KIRREL3: variants seen among roughly 807,000 people sequenced by gnomAD.
The protein encoded by KIRREL3 is kin of IRRE-like protein 3.
Under a neutral mutation model 89.7 loss-of-function variants are expected in KIRREL3, and 36 were observed. The observed-to-expected ratio is 0.40, with a 90% CI of 0.31 to 0.53. The LOEUF is 0.53. Ranked by LOEUF, KIRREL3 falls within the 20% of genes least tolerant of loss-of-function variation. The pLI is 0.49. For synonymous variants in KIRREL3, 445 were observed against 441.4 expected (o/e 1.01, Z -0.10); for missense variants, 864 against 1,056.6 (o/e 0.82, Z 2.53).
intron 1 of KIRREL3, among the ~76,000 whole-genome samples, chr11:126,923,104 C>CCTTCTCCTT (rs1391793360): frequency 6.1e-4 from 40 of 65,738 alleles, no homozygotes; most frequent in African/African-American, 3.4e-3. Context: ...TTCTTCTTCT[C>CCTTCTCCTT]CTTCTCCTTC....
rs1945127775 is a variant in KIRREL3, at chr11:126,656,170, AGG to A, written c.56-93260_56-93259del. 2.2e-6 allele frequency: 1 copy of A among 456,142 alleles called. No individual in the cohort carries two copies. Among genetic ancestry groups the A allele is most frequent in the African/African-American group, 2.0e-5 (1 of 50,076 alleles). 28.3% of individuals were successfully genotyped at this position (456,142 alleles called of 1,614,324 possible). A position where few individuals can be genotyped will look rare whatever the true frequency, so the allele number is the denominator to read the frequency against. ...AGATGTTCCCAGGAGCAATGTTTGC[AGG>A]TGAGTGAGGTCAGGGAGGGCTACAG... On this transcript the variant is annotated intron_variant, in intron 1 of 16. Transcript: ENST00000525144. The surrounding 1 kb of genome is among the most constrained non-coding windows in gnomAD (Gnocchi z 4.0).
chr11:126,900,168 T>C lies in KIRREL3; in HGVS notation c.55+100287A>G, dbSNP rs990187155. Among the ~76,000 whole-genome samples the C allele has an allele frequency of 1.3e-5, 2 of 152,200 alleles. No homozygotes were observed. The highest frequency in any genetic ancestry group is 1.3e-4 in the Admixed American group (2 of 15,282). On this transcript the variant is annotated intron_variant, in intron 1 of 16. Transcript: ENST00000525144. The surrounding 1 kb of genome is among the most constrained non-coding windows in gnomAD (Gnocchi z 4.4). ...GTGAGTGTATCTGTTCCCATGTGTG[T>C]AAATATACAGCTCTCATGTGCCTAA...
intron 1 of KIRREL3, among the ~76,000 whole-genome samples, chr11:126,695,311 C>T (rs1005252763): frequency 3.7e-4 from 55 of 148,692 alleles, no homozygotes; most frequent in Non-Finnish European, 7.4e-5. Flanking sequence ...TGAGTTAGAA[C>T]TGCAATCAGG....
chr11:126,999,975 G>A lies in KIRREL3; in HGVS notation c.55+480C>T, dbSNP rs943581293. ...CTGTAATTGCAACCCCCTTTTCAACGGTGCAAACCACACACATTCGCTTTT... is the reference window on the plus strand; with the variant it reads ...CTGTAATTGCAACCCCCTTTTCAACAGTGCAAACCACACACATTCGCTTTT... On this transcript the variant is annotated intron_variant, in intron 1 of 16. Coordinates refer to ENST00000525144, the MANE Select transcript of KIRREL3 (RefSeq NM_032531.4). This position sits in a 1 kb window ranked among gnomAD's most constrained non-coding sequence, Gnocchi z 5.7. Among the ~76,000 whole-genome samples the A allele has an allele frequency of 2.1e-4, 32 of 151,410 alleles. 1 individual carries two copies. The highest frequency in any genetic ancestry group is 4.4e-5 in the Non-Finnish European group (3 of 67,910).
In KIRREL3 at chr11:126,924,682, C is replaced by A. The variant is rs560067225; in HGVS notation, c.55+75773G>T. Among the ~76,000 whole-genome samples, 344 of 152,158 alleles carry A rather than the reference C, an allele frequency of 2.3e-3. 3 individuals carry two copies. The highest frequency in any genetic ancestry group is 2.8e-3 in the Non-Finnish European group (189 of 68,006). The stretch of plus-strand genomic sequence containing the variant: ...AGGAGCAGCTTTGCTCTATTAAAAC[C>A]CCTGCCTTTCCAAGCAAATATGGCT... On this transcript the variant is annotated intron_variant, in intron 1 of 16. Coordinates refer to ENST00000525144, the MANE Select transcript of KIRREL3 (RefSeq NM_032531.4). This position sits in a 1 kb window ranked among gnomAD's most constrained non-coding sequence, Gnocchi z 4.7.
At chr11:126,439,371 T>G (rs1227857763) in intron 11 of KIRREL3, among the ~76,000 whole-genome samples, 1 of 151,588 alleles carries the variant, frequency 6.6e-6, no homozygotes, top group African/African-American at 2.4e-5. Flanking sequence ...CTCACCTTAA[T>G]TTTTTTGTTG....
rs1942299789 is a variant in KIRREL3 at position 126,594,570 on chromosome 11, C to G, written c.56-31658G>C. ...CCACATAGCATGGGGCCTTCAACTG[C>G]TGGAGGGTCTGGGCGGTCATTTATC... is the stretch of plus-strand genomic sequence containing the variant. On this transcript the variant is annotated intron_variant, in intron 1 of 16. Coordinates refer to ENST00000525144, the MANE Select transcript of KIRREL3 (RefSeq NM_032531.4). This position sits in a 1 kb window ranked among gnomAD's most constrained non-coding sequence, Gnocchi z 5.0. Among the ~76,000 whole-genome samples the G allele has an allele frequency of 6.6e-6, 1 of 152,092 alleles. No homozygotes were observed. Among genetic ancestry groups the G allele is most frequent in the Non-Finnish European group, 1.5e-5 (1 of 68,020 alleles).
At position 126,750,514 on chromosome 11, in the gene KIRREL3, T is replaced by C. The variant is rs971652758; in HGVS notation, c.56-187602A>G. ...TGTAGTATGAACTTATCAGTGAATG[T>C]AGCAGCTAGGCTTTTCTTAGGGCAA... On this transcript the variant is annotated intron_variant, in intron 1 of 16. Transcript: ENST00000525144. The surrounding 1 kb of genome is among the most constrained non-coding windows in gnomAD (Gnocchi z 4.2). Among the ~76,000 whole-genome samples, 1 of 152,226 alleles carries C rather than the reference T, an allele frequency of 6.6e-6. No individual in the cohort carries two copies. The highest frequency in any genetic ancestry group is 1.9e-4 in the East Asian group (1 of 5,208).
At position 126,501,357 on chromosome 11, in the gene KIRREL3, G is replaced by T. The variant is rs1957855780; in HGVS notation, c.433+19958C>A. Among the ~76,000 whole-genome samples, 1 of 152,230 alleles carries T rather than the reference G, an allele frequency of 6.6e-6. No homozygotes were observed. The highest frequency in any genetic ancestry group is 6.5e-5 in the Admixed American group (1 of 15,286). ...ATCTTTAAGAGGGGAAGACGGGGCT[G>T]CAGAGGGAGAGGAGCCAGCTTGGGG... is the stretch of plus-strand genomic sequence containing the variant. On this transcript the variant is annotated intron_variant, in intron 4 of 16. Transcript: ENST00000525144. This position sits in a 1 kb window ranked among gnomAD's most constrained non-coding sequence, Gnocchi z 5.8.
At position 127,000,394 on chromosome 11, in the gene KIRREL3, C is replaced by T; in HGVS notation, c.55+61G>A. Reference sequence around the variant, plus strand: ...AGCCTGCCCACGTTCCTGCCCACAGCCTCCCGCGCCCTGACAACCCAGCCG... The same window carrying T: ...AGCCTGCCCACGTTCCTGCCCACAGTCTCCCGCGCCCTGACAACCCAGCCG... On this transcript the variant is annotated intron_variant, in intron 1 of 16. Coordinates refer to ENST00000525144, the MANE Select transcript of KIRREL3 (RefSeq NM_032531.4). The surrounding 1 kb of genome is among the most constrained non-coding windows in gnomAD (Gnocchi z 7.1). 1 of 1,453,624 alleles carries T rather than the reference C, an allele frequency of 6.9e-7. No individual in the cohort carries two copies. Among genetic ancestry groups the T allele is most frequent in the Non-Finnish European group, 9.4e-7 (1 of 1,062,724 alleles). 90.0% of individuals were successfully genotyped at this position (1,453,624 alleles called of 1,614,324 possible).
At position 126,782,068 on chromosome 11, in the gene KIRREL3, T is replaced by C. The variant is rs1484011401; in HGVS notation, c.55+218387A>G. ...TAGGATTAAAGCAGAGACAATGCGA[T>C]GTGCTCAGCATATAATTTCCTCCTC... On this transcript the variant is annotated intron_variant, in intron 1 of 16. Coordinates refer to ENST00000525144, the MANE Select transcript of KIRREL3 (RefSeq NM_032531.4). The surrounding 1 kb of genome is among the most constrained non-coding windows in gnomAD (Gnocchi z 4.1). Among the ~76,000 whole-genome samples, 3 of 147,526 alleles carry C rather than the reference T, an allele frequency of 2.0e-5. No homozygotes were observed.
At chr11:126,899,064 A>G (rs573498154) in intron 1 of KIRREL3, among the ~76,000 whole-genome samples, 42 of 152,126 alleles carry the variant, frequency 2.8e-4, no homozygotes, top group African/African-American at 9.2e-4. Context: ...ATAAAGGTTA[A>G]CAGAAGGTGG....
chr11:126,491,713 T>C lies in KIRREL3; in HGVS notation c.434-18247A>G, dbSNP rs1957521072. On this transcript the variant is annotated intron_variant, in intron 4 of 16. Coordinates refer to ENST00000525144, the MANE Select transcript of KIRREL3 (RefSeq NM_032531.4). The surrounding 1 kb of genome is among the most constrained non-coding windows in gnomAD (Gnocchi z 5.5). ...TTCTTTTTTTCTTTTTTCTTTTTTT[T>C]TATATTTATACGGAGTCTTGCTCTG... 6.6e-6 allele frequency among the ~76,000 whole-genome samples: 1 copy of C among 152,148 alleles called. No individual in the cohort carries two copies. Among genetic ancestry groups the C allele is most frequent in the South Asian group, 2.1e-4 (1 of 4,832 alleles).
At chr11:126,765,052 C>T (rs1949779342) in intron 1 of KIRREL3, among the ~76,000 whole-genome samples, 1 of 152,158 alleles carries the variant, frequency 6.6e-6, no homozygotes, top group East Asian at 1.9e-4. Context: ...CATGACATTC[C>T]TAGAGATGGA....
intron 1 of KIRREL3, among the ~76,000 whole-genome samples, chr11:126,928,456 G>T (rs975502254): frequency 2.6e-5 from 4 of 152,252 alleles, no homozygotes; most frequent in African/African-American, 9.6e-5. Context: ...GCCCTGATCA[G>T]GGCTGGTTTT....
intron 7 of KIRREL3, among the ~76,000 whole-genome samples, chr11:126,451,318 T>TTGTGTGCATTAGTGAG (rs1232437502): frequency 1.3e-5 from 1 of 75,380 alleles, no homozygotes; most frequent in African/African-American, 5.9e-5. Context: ...GTGCATGTGG[T>TTGTGTGCATTAGTGAG]TGTGTGCATT....
At chr11:126,702,696 G>A (rs932437035) in intron 1 of KIRREL3, among the ~76,000 whole-genome samples, 8 of 152,184 alleles carry the variant, frequency 5.3e-5, no homozygotes, top group Non-Finnish European at 8.8e-5. Context: ...CACCCTGCAC[G>A]GACAGGGCCC....
rs377687071 is a variant in KIRREL3, at chr11:126,622,277, G to A, written c.56-59365C>T. 7.9e-5 allele frequency among the ~76,000 whole-genome samples: 12 copies of A among 152,294 alleles called. No individual in the cohort carries two copies. Among genetic ancestry groups the A allele is most frequent in the African/African-American group, 2.9e-4 (12 of 41,542 alleles). On this transcript the variant is annotated intron_variant, in intron 1 of 16. Transcript: ENST00000525144. This position sits in a 1 kb window ranked among gnomAD's most constrained non-coding sequence, Gnocchi z 5.2. ...GTGCTGTTTTAATTACTTTTTCAAG[G>A]TGCCTTCTAAATGTTAAAAATGGTG...
In KIRREL3 at chr11:126,903,213, T is replaced by C. The variant is rs1347472170; in HGVS notation, c.55+97242A>G. 6.6e-6 allele frequency among the ~76,000 whole-genome samples: 1 copy of C among 152,242 alleles called. No homozygotes were observed. Among genetic ancestry groups the C allele is most frequent in the African/African-American group, 2.4e-5 (1 of 41,470 alleles). ...GCCTTGTAGTCATCTTTGCTATATTTAGAGGGAAAATAACGTCCCTCTGCA... is the reference window on the plus strand; with the variant it reads ...GCCTTGTAGTCATCTTTGCTATATTCAGAGGGAAAATAACGTCCCTCTGCA... On this transcript the variant is annotated intron_variant, in intron 1 of 16. Coordinates refer to ENST00000525144, the MANE Select transcript of KIRREL3 (RefSeq NM_032531.4). The surrounding 1 kb of genome is among the most constrained non-coding windows in gnomAD (Gnocchi z 4.5).
Sources: gnomAD v4.1 joint callset for allele counts (sites outside exome capture counted in the v4.1 genomes callset) on GRCh38, gnomAD v4.1.1 for gene constraint, Gnocchi (gnomAD v3.1) non-coding constraint, MANE v1.5 for transcripts, NCBI Gene and HGNC (gene_info 2026-07-23, HGNC 2026-07-21) for gene names.